PPP1R16B: variants seen among roughly 807,000 people sequenced by gnomAD.
PPP1R16B encodes protein phosphatase 1 regulatory inhibitor subunit 16B.
PPP1R16B carries 14 observed loss-of-function variants against 61.7 expected under a neutral mutation model. The ratio of observed to expected loss-of-function variants is 0.23; its 90% confidence interval spans 0.15 to 0.35. The LOEUF (loss-of-function observed/expected upper bound fraction) is 0.35, where lower values mean the gene tolerates loss of function less well. Ranked by LOEUF, PPP1R16B falls within the 10% of genes least tolerant of loss-of-function variation. PPP1R16B has a pLI of 1.00. For missense variants in PPP1R16B, 547 were observed against 752.5 expected, an observed-to-expected ratio of 0.73 and a Z score of 3.19; for synonymous variants, 266 against 305.3, an observed-to-expected ratio of 0.87 and a Z score of 1.34.
chr20:38,852,796 TAA>T (rs975046788), intron 2 of PPP1R16B, among the ~76,000 whole-genome samples: 1 of 109,052 alleles, frequency 9.2e-6, no homozygotes, highest in Admixed American at 1.0e-4. Flanking sequence ...CATGGGGGGA[TAA>T]AGTCTTGCTC....
At chr20:38,821,900 T>C (rs966829755) in intron 1 of PPP1R16B, among the ~76,000 whole-genome samples, 1 of 151,352 alleles carries the variant, frequency 6.6e-6, no homozygotes, top group Non-Finnish European at 1.5e-5. Context: ...GTTTGTTTGT[T>C]TTTAATTTGC....
At chr20:38,812,373 G>A (rs2084706734) in intron 1 of PPP1R16B, among the ~76,000 whole-genome samples, 2 of 152,206 alleles carry the variant, frequency 1.3e-5, no homozygotes, top group Non-Finnish European at 2.9e-5. Flanking sequence ...CTAGTGGAAT[G>A]AAGGAAACCC....
intron 4 of PPP1R16B, 141 bp from the exon 5 acceptor site, chr20:38,900,440 C>G: frequency 1.7e-6 from 1 of 596,600 alleles, no homozygotes; most frequent in Non-Finnish European, 2.9e-6. Context: ...ATCCAAGCAT[C>G]ATCTTGCTGG....
intron 1 of PPP1R16B, among the ~76,000 whole-genome samples, chr20:38,824,144 A>T (rs1045234760): frequency 6.6e-6 from 1 of 152,222 alleles, no homozygotes; most frequent in African/African-American, 2.4e-5. Context: ...AGTGATTCCC[A>T]GAAAGGTTAC....
chr20:38,810,929 C>G (rs2084696812), intron 1 of PPP1R16B, among the ~76,000 whole-genome samples: 1 of 152,194 alleles, frequency 6.6e-6, no homozygotes, highest in Non-Finnish European at 1.5e-5. Context: ...CTAAGGCTGA[C>G]TGCAGAATAT....
chr20:38,830,636 T>A (rs982984234), intron 1 of PPP1R16B, among the ~76,000 whole-genome samples: 1 of 152,188 alleles, frequency 6.6e-6, no homozygotes, highest in Non-Finnish European at 1.5e-5. Context: ...TGAAGGAGGA[T>A]TGGCATAGTT....
chr20:38,911,895 T>C (rs767546803), intron 10 of PPP1R16B, among the ~76,000 whole-genome samples: 11 of 152,078 alleles, frequency 7.2e-5, no homozygotes, highest in Non-Finnish European at 1.5e-4. Context: ...TGAATAAAGC[T>C]CCTATAAACA....
At chr20:38,810,521 G>T (rs1452864397) in intron 1 of PPP1R16B, among the ~76,000 whole-genome samples, 1 of 152,180 alleles carries the variant, frequency 6.6e-6, no homozygotes, top group Admixed American at 6.5e-5. Flanking sequence ...GAAGCACGAA[G>T]AAGAAGAGGT....
At chr20:38,837,928 A>G (rs1386523659) in intron 2 of PPP1R16B, among the ~76,000 whole-genome samples, 2 of 152,204 alleles carry the variant, frequency 1.3e-5, no homozygotes, top group Admixed American at 6.5e-5. Flanking sequence ...TGAGCTAGAT[A>G]TCATGATCTG....
At chr20:38,861,472 A>G (rs985401279) in intron 2 of PPP1R16B, among the ~76,000 whole-genome samples, 4 of 152,140 alleles carry the variant, frequency 2.6e-5, no homozygotes, top group Non-Finnish European at 5.9e-5. Flanking sequence ...CTGGGGGGCT[A>G]GGCTCTGCCT....
At chr20:38,882,030 G>A (rs2085206758) in intron 2 of PPP1R16B, among the ~76,000 whole-genome samples, 1 of 152,194 alleles carries the variant, frequency 6.6e-6, no homozygotes, top group Non-Finnish European at 1.5e-5. Context: ...TCTGTAAACT[G>A]GAGCAATAAT....
At chr20:38,917,030 C>G (rs906051930) in intron 10 of PPP1R16B, among the ~76,000 whole-genome samples, 1 of 152,086 alleles carries the variant, frequency 6.6e-6, no homozygotes, top group Non-Finnish European at 1.5e-5. Context: ...GGTGCGGTGG[C>G]TCATGCCTGC....
At chr20:38,826,727 C>A (rs6093097) in intron 1 of PPP1R16B, among the ~76,000 whole-genome samples, 99,063 of 151,892 alleles carry the variant, frequency 0.65, 32,607 homozygotes, top group African/African-American at 0.73. Flanking sequence ...ACGATGCCAG[C>A]CCCTGCAGGC....
intron 10 of PPP1R16B, among the ~76,000 whole-genome samples, chr20:38,912,560 T>C (rs2085501197): frequency 6.6e-6 from 1 of 150,724 alleles, no homozygotes; most frequent in Admixed American, 6.6e-5. Context: ...CCTGTAGTCT[T>C]AGGTCTTGTG....
chr20:38,888,230 G>A (rs1042044390), intron 2 of PPP1R16B, among the ~76,000 whole-genome samples: 2 of 152,216 alleles, frequency 1.3e-5, no homozygotes, highest in African/African-American at 4.8e-5. Flanking sequence ...GACTTGGCTG[G>A]GGGTGGGAGG....
At chr20:38,872,023 C>T (rs1449054192) in intron 2 of PPP1R16B, among the ~76,000 whole-genome samples, 1 of 152,058 alleles carries the variant, frequency 6.6e-6, no homozygotes, top group African/African-American at 2.4e-5. Context: ...TCAAGGTCAC[C>T]CCTAGCACGT....
intron 1 of PPP1R16B, among the ~76,000 whole-genome samples, chr20:38,830,891 G>A (rs964053764): frequency 8.5e-5 from 13 of 152,174 alleles, no homozygotes; most frequent in Non-Finnish European, 1.8e-4. Context: ...CTGTAACAGC[G>A]CAAGTGATTG....
At position 38,907,316 on chromosome 20, in the gene PPP1R16B, TGG is replaced by T. The variant is rs1230015964; in HGVS notation, c.898+263_898+264del. Among the ~76,000 whole-genome samples the T allele has an allele frequency of 6.5e-5, 4 of 61,080 alleles. No homozygotes were observed. Among genetic ancestry groups the T allele is most frequent in the African/African-American group, 3.8e-4 (4 of 10,404 alleles). The allele number at this position is 61,080 out of a possible 152,430, so 40.1% of individuals were successfully genotyped here. ...TTGAATGGATGGGTGGGTGGGTGGA[TGG>T]ATGGATGGATGGATGGATGGATGGA... is the stretch of plus-strand genomic sequence containing the variant. On this transcript the variant is annotated intron_variant, in intron 8 of 10. Transcript: ENST00000299824. This position sits in a 1 kb window ranked among gnomAD's most constrained non-coding sequence, Gnocchi z 4.5.
chr20:38,836,683 G>C (rs181477176), intron 2 of PPP1R16B, among the ~76,000 whole-genome samples: 2 of 152,090 alleles, frequency 1.3e-5, no homozygotes, highest in Non-Finnish European at 2.9e-5. Context: ...AAACATCTTC[G>C]TTCATTTGTT....
Sources: gnomAD v4.1 joint callset for allele counts (sites outside exome capture counted in the v4.1 genomes callset) on GRCh38, gnomAD v4.1.1 for gene constraint, Gnocchi (gnomAD v3.1) non-coding constraint, MANE v1.5 for transcripts, NCBI Gene and HGNC (gene_info 2026-07-23, HGNC 2026-07-21) for gene names.